ANK3: variants seen among roughly 807,000 people sequenced by gnomAD.
The protein encoded by ANK3 is ankyrin 3, also known as ankyrin-3.
A neutral mutation model predicts 370.9 loss-of-function variants in ANK3; 57 were observed. That is an observed-to-expected ratio of 0.15 (90% CI 0.12 to 0.19). ANK3 has a LOEUF of 0.19. Among genes scored for constraint, ANK3 ranks in the 10% least tolerant of loss-of-function variants. The pLI, the probability that ANK3 is intolerant of heterozygous loss-of-function variation, is 1.00. For synonymous variants in ANK3, 1,929 were observed against 1,946.3 expected (o/e 0.99, Z 0.23); for missense variants, 4,439 against 5,302.1 (o/e 0.84, Z 5.06).
At chr10:60,263,024 G>A (rs2097830266) in intron 6 of ANK3, among the ~76,000 whole-genome samples, 2 of 152,156 alleles carry the variant, frequency 1.3e-5, no homozygotes, top group African/African-American at 4.8e-5. Flanking sequence ...GCCTACAGAA[G>A]GCGATGCAAA....
At chr10:60,266,725 T>C (rs1223090227) in intron 5 of ANK3, among the ~76,000 whole-genome samples, 1 of 152,178 alleles carries the variant, frequency 6.6e-6, no homozygotes, top group Non-Finnish European at 1.5e-5. Context: ...TAGCTAAAAT[T>C]AGCAGCTCCA....
At chr10:60,081,783 G>T in intron 35 of ANK3, 1 of 263,018 alleles carries the variant, frequency 3.8e-6, no homozygotes. Context: ...GACTGTTCTC[G>T]TCAGTCATAG....
chr10:60,347,343 T>C (rs7084803), intron 1 of ANK3, among the ~76,000 whole-genome samples: 105,585 of 151,254 alleles, frequency 0.7, 38,120 homozygotes, highest in South Asian at 0.92. Context: ...TTCATCACCA[T>C]GAAACTACGT....
chr10:60,178,132 A>C (rs1300796801), intron 18 of ANK3, among the ~76,000 whole-genome samples: 1 of 152,200 alleles, frequency 6.6e-6, no homozygotes, highest in East Asian at 1.9e-4. Flanking sequence ...AAAGCTGGAC[A>C]GCTTAGCCTG....
intron 24 of ANK3, chr10:60,137,400 TAGAA>T (rs1183343743): frequency 2.0e-5 from 3 of 151,642 alleles, no homozygotes; most frequent in South Asian, 5.5e-5. Context: ...AAACAAGAAA[TAGAA>T]AGCAAAAAAT....
At position 60,105,916 on chromosome 10, in the gene ANK3, C is replaced by T. The variant is rs2092108299; in HGVS notation, c.3317G>A (p.Gly1106Asp). 1 of 1,610,114 alleles carries T rather than the reference C, an allele frequency of 6.2e-7. No individual in the cohort carries two copies. The highest frequency in any genetic ancestry group is 8.5e-7 in the Non-Finnish European group (1 of 1,178,454). The change falls in exon 28 of 44, where the codon GGC (glycine) becomes GAC (aspartate). Residue 1106 changes from glycine to aspartate, a missense_variant. Physicochemically the swap from Gly to Asp is moderately conservative, Grantham distance 94. Around this residue, in one of 13 missense-constraint regions of ANK3, gnomAD observed 702 missense variants for 941.5 expected, o/e 0.75. Transcript: ENST00000280772. ...GCCATCATTATTACCTTCATCCATG[C>T]CATTAAGTAACTCGGTTAAATCTTC... ...KNEDLTELLN[G>D]MDEELDSPEE...
chr10:60,337,679 A>G (rs913405745), intron 1 of ANK3, among the ~76,000 whole-genome samples: 1 of 152,166 alleles, frequency 6.6e-6, no homozygotes, highest in East Asian at 1.9e-4. Flanking sequence ...GCCTGATTCA[A>G]TTCCACAGCT....
chr10:60,395,056 C>A (rs968050374), intron 2 of ANK3, among the ~76,000 whole-genome samples: 8 of 152,058 alleles, frequency 5.3e-5, no homozygotes, highest in African/African-American at 1.9e-4. Flanking sequence ...TTTAAAATTT[C>A]AAATTAAAAT....
intron 2 of ANK3, among the ~76,000 whole-genome samples, chr10:60,470,478 CA>C (rs2065189923): frequency 5.3e-5 from 8 of 151,638 alleles, no homozygotes; most frequent in African/African-American, 1.7e-4. Flanking sequence ...TTTTTTGAAA[CA>C]AAAAAAGCCC....
intron 2 of ANK3, among the ~76,000 whole-genome samples, chr10:60,516,912 G>A (rs2076232530): frequency 6.6e-6 from 1 of 152,034 alleles, no homozygotes; most frequent in Non-Finnish European, 1.5e-5. Context: ...GTGAAAAATA[G>A]CCTCCTTGAT....
At chr10:60,089,289 T>C (rs1308007535) in intron 28 of ANK3, among the ~76,000 whole-genome samples, 1 of 152,200 alleles carries the variant, frequency 6.6e-6, no homozygotes, top group African/African-American at 2.4e-5. Flanking sequence ...TTCACTCTAA[T>C]AGTTATGACT....
chr10:60,211,170 T>C (rs1468957239), intron 9 of ANK3, among the ~76,000 whole-genome samples: 1 of 152,094 alleles, frequency 6.6e-6, no homozygotes, highest in Non-Finnish European at 1.5e-5. Context: ...GTTCAAAGAC[T>C]GTGTATGGAG....
At chr10:60,175,683 T>C (rs2095913181) in intron 18 of ANK3, among the ~76,000 whole-genome samples, 1 of 152,232 alleles carries the variant, frequency 6.6e-6, no homozygotes, top group African/African-American at 2.4e-5. Context: ...TTTACATCCA[T>C]TCACTGATAA....
At chr10:60,416,435 A>G (rs2063670261) in intron 2 of ANK3, among the ~76,000 whole-genome samples, 1 of 152,220 alleles carries the variant, frequency 6.6e-6, no homozygotes, top group Non-Finnish European at 1.5e-5. Flanking sequence ...TGTGTTTATT[A>G]TATCTCAAAT....
intron 23 of ANK3, among the ~76,000 whole-genome samples, chr10:60,149,471 A>T (rs1029988030): frequency 2.6e-5 from 4 of 152,094 alleles, no homozygotes; most frequent in African/African-American, 9.7e-5. Flanking sequence ...TGGGGCAAAT[A>T]AAAAAAACCA....
chr10:60,059,101 A>T (rs17208008), intron 41 of ANK3, among the ~76,000 whole-genome samples: 8,158 of 152,346 alleles, frequency 0.054, 306 homozygotes, highest in South Asian at 0.094. Flanking sequence ...AAGACAACGT[A>T]TAAATCTTGG....
chr10:60,243,401 T>G (rs1297631101), intron 7 of ANK3, among the ~76,000 whole-genome samples: 1 of 152,178 alleles, frequency 6.6e-6, no homozygotes, highest in African/African-American at 2.4e-5. Context: ...GGTGGCTTTA[T>G]AAGAAGAGGA....
At chr10:60,562,882 CAAT>C (rs2077372108) in intron 2 of ANK3, among the ~76,000 whole-genome samples, 1 of 152,112 alleles carries the variant, frequency 6.6e-6, no homozygotes, top group Non-Finnish European at 1.5e-5. Flanking sequence ...GCTAATCGTG[CAAT>C]ATTAATTATT....
intron 2 of ANK3, among the ~76,000 whole-genome samples, chr10:60,547,357 C>A (rs1373722977): frequency 6.6e-6 from 1 of 152,044 alleles, no homozygotes; most frequent in Non-Finnish European, 1.5e-5. Context: ...TCCCAAAGTG[C>A]TGGGATTACA....
Sources: gnomAD v4.1 joint callset for allele counts (sites outside exome capture counted in the v4.1 genomes callset) on GRCh38, gnomAD v4.1.1 for gene constraint, gnomAD v4.1.1 regional missense constraint, MANE v1.5 for transcripts, NCBI Gene and HGNC (gene_info 2026-07-23, HGNC 2026-07-21) for gene names.